Variants in FIRRM observed in about 807,000 individuals in gnomAD.
FIRRM encodes the protein FIGNL1 interacting regulator of recombination and mitosis, also known as FIGNL1-interacting regulator of recombination and mitosis.
At chr1:169,826,647 G>A in the FIRRM span, among the ~76,000 whole-genome samples, 6 of 152,188 alleles carry the variant, frequency 3.9e-5, no homozygotes, top group East Asian at 9.6e-4. Flanking sequence ...ACAGGCATGA[G>A]CCACCACGCT....
chr1:169,786,638 C>T, the FIRRM span, among the ~76,000 whole-genome samples: 1 of 152,076 alleles, frequency 6.6e-6, no homozygotes, highest in Admixed American at 6.5e-5. Flanking sequence ...ATCTAGTTTA[C>T]AGAAATTCAC....
At chr1:169,842,426 C>T in the FIRRM span, 2 of 1,613,710 alleles carry the variant, frequency 1.2e-6, no homozygotes, top group Non-Finnish European at 1.7e-6. Context: ...GAACACAGTA[C>T]TGTCTGCTTT....
At chr1:169,841,069 C>T in the FIRRM span, among the ~76,000 whole-genome samples, 8 of 152,228 alleles carry the variant, frequency 5.3e-5, no homozygotes, top group South Asian at 4.1e-4. Flanking sequence ...CTGTTCAGTA[C>T]GACGTTGGCT....
At chr1:169,807,564 A>G in the FIRRM span, among the ~76,000 whole-genome samples, 2 of 152,212 alleles carry the variant, frequency 1.3e-5, no homozygotes, top group African/African-American at 2.4e-5. Flanking sequence ...TGCCTCATAC[A>G]TAGTAAGAAT....
chr1:169,830,431 C>CTG, the FIRRM span: 1 of 1,160,660 alleles, frequency 8.6e-7, no homozygotes, highest in Non-Finnish European at 1.3e-6. Context: ...TATAGAAAAA[C>CTG]TGTTTCAATA....
the FIRRM span, chr1:169,799,059 A>ATC: frequency 2.2e-6 from 1 of 445,008 alleles, no homozygotes. Flanking sequence ...ATTCCCTTGA[A>ATC]ATGTAACTGT....
At chr1:169,785,000 A>T in the FIRRM span, 1 of 152,192 alleles carries the variant, frequency 6.6e-6, no homozygotes, top group Non-Finnish European at 1.5e-5. Context: ...CCAGTATTGG[A>T]GAAAAATAAA....
the FIRRM span, chr1:169,807,979 G>C: frequency 2.6e-6 from 4 of 1,547,734 alleles, no homozygotes; most frequent in East Asian, 9.3e-5. Flanking sequence ...ATTTTCTTTG[G>C]CAGTTAGTAA....
At chr1:169,822,803 A>G in the FIRRM span, among the ~76,000 whole-genome samples, 1 of 152,130 alleles carries the variant, frequency 6.6e-6, no homozygotes, top group Non-Finnish European at 1.5e-5. Context: ...CCCGGTCGAC[A>G]ACTTTTCTAT....
chr1:169,814,964 GT>G, the FIRRM span, among the ~76,000 whole-genome samples: 500 of 144,108 alleles, frequency 3.5e-3, 4 homozygotes, highest in East Asian at 0.014. Context: ...AAAAAGTTTT[GT>G]TTTTTTTTTT....
At chr1:169,830,623 C>T in the FIRRM span, 1 of 1,410,986 alleles carries the variant, frequency 7.1e-7, no homozygotes, top group Non-Finnish European at 1.0e-6. Context: ...ATATTTAGTG[C>T]TTTATGCAAG....
the FIRRM span, among the ~76,000 whole-genome samples, chr1:169,845,206 C>CTGTA: frequency 2.6e-5 from 4 of 152,090 alleles, no homozygotes; most frequent in African/African-American, 9.7e-5. Flanking sequence ...TTACACTATA[C>CTGTA]TGTAGGTTGT....
chr1:169,807,642 A>C, the FIRRM span: 5 of 623,060 alleles, frequency 8.0e-6, no homozygotes, highest in East Asian at 3.4e-5. Context: ...CTTCAGAGGT[A>C]AACTGGGCAC....
At chr1:169,845,092 A>G in the FIRRM span, among the ~76,000 whole-genome samples, 1 of 152,238 alleles carries the variant, frequency 6.6e-6, no homozygotes, top group Non-Finnish European at 1.5e-5. Context: ...AATTTTAAAT[A>G]CAGGCATACC....
chr1:169,843,839 A>G, the FIRRM span: 4 of 910,468 alleles, frequency 4.4e-6, no homozygotes, highest in South Asian at 5.5e-5. Context: ...ATGTAAAATA[A>G]CTTTCTAGAA....
chr1:169,792,679 C>A, the FIRRM span: 7 of 1,612,006 alleles, frequency 4.3e-6, no homozygotes, highest in African/African-American at 1.3e-5. Context: ...CTTCTACAAA[C>A]TTCTGAAAGA....
the FIRRM span, among the ~76,000 whole-genome samples, chr1:169,832,112 T>G: frequency 6.6e-6 from 1 of 152,204 alleles, no homozygotes; most frequent in Non-Finnish European, 1.5e-5. Context: ...TCTACCTCTC[T>G]ACTATTGTAG....
chr1:169,827,291 A>C, the FIRRM span: 1 of 1,063,760 alleles, frequency 9.4e-7, no homozygotes, highest in Non-Finnish European at 1.3e-6. Context: ...ACAATTAAGA[A>C]ATTTTTATTA....
the FIRRM span, among the ~76,000 whole-genome samples, chr1:169,803,844 G>T: frequency 6.6e-6 from 1 of 152,060 alleles, no homozygotes; most frequent in Admixed American, 6.6e-5. Context: ...CACGCACCTG[G>T]CCTAATGTTA....
Sources: allele counts gnomAD v4.1 joint callset (sites outside exome capture counted in the v4.1 genomes callset), GRCh38; gene constraint gnomAD v4.1.1; transcripts MANE v1.5; gene names NCBI Gene and HGNC (gene_info 2026-07-23, HGNC 2026-07-21).